The following ARSG variants were observed in gnomAD, a reference collection of about 807,000 sequenced individuals.
The protein encoded by ARSG is ASG.
ARSG carries 37 observed loss-of-function variants against 50.5 expected under a neutral mutation model. The observed-to-expected ratio is 0.73, with a 90% CI of 0.56 to 0.96. ARSG has a LOEUF of 0.96. Among genes scored for constraint, ARSG ranks in the 50% least tolerant of loss-of-function variants. The pLI is 0.00. For synonymous variants in ARSG, 225 were observed against 254.6 expected (o/e 0.88, Z 1.11); for missense variants, 629 against 675.3 (o/e 0.93, Z 0.76).
At chr17:68,418,329 C>T (rs938720658) in intron 11 of ARSG, among the ~76,000 whole-genome samples, 2 of 152,112 alleles carry the variant, frequency 1.3e-5, no homozygotes, top group African/African-American at 4.8e-5. Context: ...TAGGCAGATC[C>T]CTCAGTCCTG....
At chr17:68,313,745 T>A (rs1555767567) in intron 2 of ARSG, among the ~76,000 whole-genome samples, 1 of 149,848 alleles carries the variant, frequency 6.7e-6, no homozygotes, top group Admixed American at 6.7e-5. Flanking sequence ...AGTGGTGCAA[T>A]CTTGGCTCAC....
chr17:68,276,607 C>G (rs1364056040), intron 1 of ARSG, among the ~76,000 whole-genome samples: 1 of 151,988 alleles, frequency 6.6e-6, no homozygotes, highest in African/African-American at 2.4e-5. Context: ...TACCACCATG[C>G]CCGGCCAATT....
chr17:68,387,271 G>A (rs2080776780), intron 9 of ARSG, among the ~76,000 whole-genome samples: 1 of 152,066 alleles, frequency 6.6e-6, no homozygotes, highest in African/African-American at 2.4e-5. Flanking sequence ...TGGGACTACA[G>A]GCATGCACCA....
At chr17:68,336,853 C>G (rs2078044284) in intron 2 of ARSG, among the ~76,000 whole-genome samples, 2 of 151,858 alleles carry the variant, frequency 1.3e-5, no homozygotes, top group South Asian at 2.1e-4. Flanking sequence ...GAGACTCTGT[C>G]TCAAATAAAT....
At chr17:68,283,438 G>A (rs2075761451) in intron 1 of ARSG, among the ~76,000 whole-genome samples, 3 of 149,646 alleles carry the variant, frequency 2.0e-5, no homozygotes, top group Non-Finnish European at 3.0e-5. Flanking sequence ...GGAGAATGGC[G>A]TGAACCCGGG....
intron 10 of ARSG, among the ~76,000 whole-genome samples, chr17:68,397,175 T>C (rs1246003637): frequency 6.6e-6 from 1 of 152,130 alleles, no homozygotes; most frequent in Non-Finnish European, 1.5e-5. Flanking sequence ...TCCTAACTAG[T>C]GCCCAGCAGG....
intron 6 of ARSG, among the ~76,000 whole-genome samples, chr17:68,357,713 T>TCCTGG (rs2079095626): frequency 6.6e-6 from 1 of 152,058 alleles, no homozygotes; most frequent in Admixed American, 6.6e-5. Flanking sequence ...ACGTAAGGCA[T>TCCTGG]TAGGGAGTGG....
In ARSG at chr17:68,368,639, A is replaced by G. The variant is rs1199870096; in HGVS notation, c.796A>G (p.Arg266Gly). The change falls in exon 7 of 12, where the codon AGA becomes GGA. Residue 266 changes from arginine (R) to glycine (G), a missense_variant. Physicochemically the swap from Arg to Gly is moderately radical, Grantham distance 125. Coordinates refer to ENST00000621439, the MANE Select transcript of ARSG (RefSeq NM_001267727.2). ...TCAGCTACCAGCAGCGCCACGGGGC[A>G]GAAGCCTGTATGGTGCAGGGCTCTG... The part of the protein sequence containing the change: ...VTQLPAAPRG[R>G]SLYGAGLWEM... 6.2e-7 allele frequency: 1 copy of G among 1,614,122 alleles called. No homozygotes were observed. Among genetic ancestry groups the G allele is most frequent in the South Asian group, 1.1e-5 (1 of 91,090 alleles).
chr17:68,433,528 A>G, the ARSG span: 1 of 1,614,106 alleles, frequency 6.2e-7, no homozygotes, highest in Non-Finnish European at 8.5e-7. Context: ...GGAGGCGCAG[A>G]GGAATTGTGA....
intron 8 of ARSG, among the ~76,000 whole-genome samples, chr17:68,372,877 ATTTTTTTTT>A (rs55668215): frequency 9.7e-5 from 9 of 93,210 alleles, no homozygotes; most frequent in East Asian, 4.5e-4. Flanking sequence ...GGAAATGCTG[ATTTTTTTTT>A]TTTTTTTTTT....
intron 4 of ARSG, among the ~76,000 whole-genome samples, chr17:68,348,644 G>A (rs1406570561): frequency 1.3e-5 from 2 of 151,944 alleles, no homozygotes; most frequent in African/African-American, 2.4e-5. Flanking sequence ...TGCAACCTCC[G>A]CCTCCCAGGT....
chr17:68,313,998 C>G (rs936289748), intron 2 of ARSG, among the ~76,000 whole-genome samples: 1 of 152,034 alleles, frequency 6.6e-6, no homozygotes, highest in Non-Finnish European at 1.5e-5. Flanking sequence ...CTTTTTACTC[C>G]GCTTCTAACG....
At chr17:68,451,555 CT>C in the ARSG span, among the ~76,000 whole-genome samples, 1 of 152,246 alleles carries the variant, frequency 6.6e-6, no homozygotes, top group African/African-American at 2.4e-5. Flanking sequence ...ACTGTTTGCT[CT>C]GTCAAACATG....
intron 8 of ARSG, among the ~76,000 whole-genome samples, chr17:68,382,853 A>G (rs1472873133): frequency 6.6e-6 from 1 of 152,194 alleles, no homozygotes; most frequent in Non-Finnish European, 1.5e-5. Context: ...TGGCATATAT[A>G]ATTGTGTCTT....
intron 2 of ARSG, among the ~76,000 whole-genome samples, chr17:68,311,741 C>T (rs1312547081): frequency 1.3e-5 from 2 of 151,792 alleles, no homozygotes; most frequent in African/African-American, 4.8e-5. Flanking sequence ...CTCAGAGCCT[C>T]CAGAAGGTAC....
intron 1 of ARSG, among the ~76,000 whole-genome samples, chr17:68,276,666 C>T (rs369806711): frequency 4.7e-4 from 72 of 152,174 alleles, no homozygotes; most frequent in African/African-American, 1.7e-3. Flanking sequence ...GTTGCCCAGG[C>T]TAGTCTCAAA....
intron 2 of ARSG, among the ~76,000 whole-genome samples, chr17:68,327,048 G>A (rs1367292155): frequency 6.6e-6 from 1 of 152,198 alleles, no homozygotes; most frequent in East Asian, 1.9e-4. Context: ...CAAAGTCAGG[G>A]CTTATCCTCC....
chr17:68,365,869 C>T (rs981514620), intron 6 of ARSG, among the ~76,000 whole-genome samples: 10 of 152,286 alleles, frequency 6.6e-5, no homozygotes, highest in African/African-American at 2.2e-4. Flanking sequence ...TACATCATAG[C>T]AGAATGTAGT....
chr17:68,390,426 T>C (rs2080939077), intron 9 of ARSG, among the ~76,000 whole-genome samples: 1 of 152,162 alleles, frequency 6.6e-6, no homozygotes, highest in South Asian at 2.1e-4. Context: ...CCTGCAAAGA[T>C]GTCACCCTGC....
Sources: gnomAD v4.1 joint callset for allele counts (sites outside exome capture counted in the v4.1 genomes callset) on GRCh38, gnomAD v4.1.1 for gene constraint, MANE v1.5 for transcripts, NCBI Gene and HGNC (gene_info 2026-07-23, HGNC 2026-07-21) for gene names.